Variants in MYO9A observed in about 807,000 individuals in gnomAD.
MYO9A encodes unconventional myosin-IXa.
A neutral mutation model predicts 293.3 loss-of-function variants in MYO9A; 103 were observed. The observed-to-expected ratio is 0.35, with a 90% CI of 0.30 to 0.41. The LOEUF is 0.41. MYO9A is among the 10% of genes least tolerant of loss of function. The pLI is 1.00. For missense variants in MYO9A, 2,685 were observed against 3,033.0 expected, an observed-to-expected ratio of 0.89 and a Z score of 2.69; for synonymous variants, 1,001 against 1,035.7, an observed-to-expected ratio of 0.97 and a Z score of 0.64.
chr15:72,109,467 G>T (rs2080698691), intron 1 of MYO9A, among the ~76,000 whole-genome samples: 2 of 151,656 alleles, frequency 1.3e-5, no homozygotes, highest in Admixed American at 6.6e-5. Flanking sequence ...GCTATCTTTT[G>T]AATCTAGTTG....
At chr15:71,928,031 T>TATATATATATATAC (rs2058361609) in intron 18 of MYO9A, among the ~76,000 whole-genome samples, 1 of 8,116 alleles carries the variant, frequency 1.2e-4, no homozygotes, top group South Asian at 4.3e-3. Flanking sequence ...CTTTCTAATA[T>TATATATATATATAC]ATATATATAT....
chr15:71,974,545 G>A (rs772486718), intron 12 of MYO9A, among the ~76,000 whole-genome samples: 5 of 151,968 alleles, frequency 3.3e-5, no homozygotes, highest in African/African-American at 4.8e-5. Flanking sequence ...TTTTCTCTCC[G>A]CTACCAGATG....
chr15:72,086,300 T>C (rs1484037857), intron 1 of MYO9A, among the ~76,000 whole-genome samples: 1 of 152,060 alleles, frequency 6.6e-6, no homozygotes, highest in African/African-American at 2.4e-5. Context: ...GTAGTGCTGG[T>C]AAGGGCAAAT....
At chr15:72,042,593 AG>A (rs2149617137) in intron 2 of MYO9A, among the ~76,000 whole-genome samples, 1 of 152,214 alleles carries the variant, frequency 6.6e-6, no homozygotes, top group East Asian at 1.9e-4. Context: ...CCCTAAGATC[AG>A]AAACGAGACA....
intron 16 of MYO9A, among the ~76,000 whole-genome samples, chr15:71,938,191 A>T (rs779441379): frequency 1.3e-5 from 2 of 152,108 alleles, no homozygotes; most frequent in Middle Eastern, 6.3e-3. Flanking sequence ...AAAATGATCA[A>T]TGAAGTTATA....
intron 25 of MYO9A, among the ~76,000 whole-genome samples, chr15:71,895,481 G>C (rs148733558): frequency 2.0e-5 from 3 of 152,120 alleles, no homozygotes; most frequent in African/African-American, 4.8e-5. Flanking sequence ...ATGATGAAAT[G>C]CAAGTTCTAG....
intron 31 of MYO9A, among the ~76,000 whole-genome samples, chr15:71,876,491 A>G (rs2142303602): frequency 7.8e-6 from 1 of 127,420 alleles, no homozygotes; most frequent in East Asian, 2.5e-4. Context: ...GCTGGAGGGC[A>G]GTGGTGCAAT....
At chr15:72,047,773 C>CATT (rs1566982437) in intron 1 of MYO9A, among the ~76,000 whole-genome samples, 1 of 25,368 alleles carries the variant, frequency 3.9e-5, no homozygotes, top group Non-Finnish European at 7.6e-5. Context: ...TCAGTTACTT[C>CATT]CTTTTTTTTT....
At chr15:71,911,669 T>C (rs1021032140) in intron 19 of MYO9A, among the ~76,000 whole-genome samples, 1 of 152,218 alleles carries the variant, frequency 6.6e-6, no homozygotes, top group Non-Finnish European at 1.5e-5. Flanking sequence ...GACATAGTGC[T>C]ATGAAGTGAC....
chr15:71,916,312 T>A, intron 19 of MYO9A, 58 bp downstream of exon 19: 1 of 1,577,032 alleles, frequency 6.3e-7, no homozygotes, highest in Non-Finnish European at 8.6e-7. Flanking sequence ...CTTTAACCTT[T>A]CAATGACAAT....
At chr15:71,927,412 T>C (rs2058340695) in intron 18 of MYO9A, among the ~76,000 whole-genome samples, 1 of 152,174 alleles carries the variant, frequency 6.6e-6, no homozygotes, top group Non-Finnish European at 1.5e-5. Flanking sequence ...TTGGGGGTCA[T>C]AGTCAAGAAA....
intron 3 of MYO9A, among the ~76,000 whole-genome samples, chr15:72,031,719 C>G (rs991398720): frequency 2.7e-5 from 4 of 150,040 alleles, no homozygotes; most frequent in African/African-American, 9.8e-5. Flanking sequence ...TACCACTGCT[C>G]TAAAAAATAG....
chr15:71,906,760 T>TTTTTTTTTTTTTC (rs2057662674), intron 19 of MYO9A, among the ~76,000 whole-genome samples: 1 of 96,790 alleles, frequency 1.0e-5, no homozygotes, highest in African/African-American at 4.6e-5. Context: ...ATTTCTTTCT[T>TTTTTTTTTTTTTC]TTTTTTTTTT....
Position 71,953,873 on chromosome 15 carries a change from T to TTG in MYO9A, c.2183-1978_2183-1977insCA, listed in dbSNP as rs1555490275. 2.0e-5 allele frequency among the ~76,000 whole-genome samples: 3 copies of TTG among 147,544 alleles called. 1 individual carries two copies. The highest frequency in any genetic ancestry group is 4.4e-4 in the South Asian group (2 of 4,558). The stretch of plus-strand genomic sequence containing the variant: ...TTTCTGAGGAGTCTCATCAACTGTT[T>TTG]TTTTGTTTTGTTTTGTTTTGTTTTG... On this transcript the variant is annotated intron_variant, in intron 14 of 41. Transcript: ENST00000356056.
At chr15:72,055,961 C>T (rs1183945828) in intron 1 of MYO9A, among the ~76,000 whole-genome samples, 1 of 152,220 alleles carries the variant, frequency 6.6e-6, no homozygotes, top group Non-Finnish European at 1.5e-5. Context: ...GGTGCGGTGG[C>T]TCACGCCTAT....
At chr15:71,968,795 A>C (rs1047993620) in intron 12 of MYO9A, among the ~76,000 whole-genome samples, 7 of 152,212 alleles carry the variant, frequency 4.6e-5, no homozygotes, top group Non-Finnish European at 7.4e-5. Flanking sequence ...GTGATGTTAA[A>C]GGTTGGGAAG....
chr15:72,085,376 A>G (rs1428093461), intron 1 of MYO9A, among the ~76,000 whole-genome samples: 1 of 150,794 alleles, frequency 6.6e-6, no homozygotes, highest in Non-Finnish European at 1.5e-5. Context: ...CTGGCGACAG[A>G]GTGAGAGAGT....
At chr15:71,844,811 A>G (rs1596012689) in intron 39 of MYO9A, among the ~76,000 whole-genome samples, 1 of 152,210 alleles carries the variant, frequency 6.6e-6, no homozygotes, top group African/African-American at 2.4e-5. Flanking sequence ...ATAATGAAGG[A>G]ATGAATTGCA....
intron 41 of MYO9A, among the ~76,000 whole-genome samples, chr15:71,827,298 T>A (rs753757462): frequency 6.6e-6 from 1 of 152,144 alleles, no homozygotes; most frequent in African/African-American, 2.4e-5. Context: ...CACTATCATT[T>A]CAAAAACTGC....
Sources: gnomAD v4.1 joint callset for allele counts (sites outside exome capture counted in the v4.1 genomes callset) on GRCh38, gnomAD v4.1.1 for gene constraint, MANE v1.5 for transcripts, NCBI Gene and HGNC (gene_info 2026-07-23, HGNC 2026-07-21) for gene names.